Variants in HNF4G observed in about 807,000 individuals in gnomAD.
The protein encoded by HNF4G is hepatocyte nuclear factor 4 gamma.
A neutral mutation model predicts 50.9 loss-of-function variants in HNF4G; 21 were observed. The observed-to-expected ratio is 0.41, with a 90% CI of 0.29 to 0.59. The LOEUF is 0.59. Among genes scored for constraint, HNF4G ranks in the 20% least tolerant of loss-of-function variants. The pLI, the probability that HNF4G is intolerant of heterozygous loss-of-function variation, is 0.26. For missense variants in HNF4G, 527 were observed against 559.4 expected, an observed-to-expected ratio of 0.94 and a Z score of 0.58; for synonymous variants, 198 against 185.6, an observed-to-expected ratio of 1.07 and a Z score of -0.54.
chr8:75,506,704 G>A (rs189705597), intron 2 of HNF4G, among the ~76,000 whole-genome samples: 7 of 152,212 alleles, frequency 4.6e-5, no homozygotes, highest in Admixed American at 2.6e-4. Flanking sequence ...TAATGTCCTG[G>A]ATTTTCCTAA....
intron 2 of HNF4G, among the ~76,000 whole-genome samples, chr8:75,526,011 A>C (rs568359902): frequency 1.1e-3 from 163 of 152,294 alleles, no homozygotes; most frequent in Non-Finnish European, 1.8e-3. Context: ...GGAGATTTCA[A>C]ATGAAGCTAG....
At chr8:75,464,039 G>T (rs1348688129) in intron 1 of HNF4G, among the ~76,000 whole-genome samples, 3 of 152,104 alleles carry the variant, frequency 2.0e-5, no homozygotes, top group Non-Finnish European at 4.4e-5. Context: ...CTCTGAAAGT[G>T]CTGGGATTAC....
At chr8:75,549,658 T>G (rs1806889040) in intron 3 of HNF4G, among the ~76,000 whole-genome samples, 1 of 151,394 alleles carries the variant, frequency 6.6e-6, no homozygotes, top group East Asian at 2.0e-4. Flanking sequence ...GTGCACAACA[T>G]GCAGGCTAGT....
At chr8:75,512,914 GTTCTAAAAGAGT>G (rs1805796014) in intron 2 of HNF4G, among the ~76,000 whole-genome samples, 1 of 152,060 alleles carries the variant, frequency 6.6e-6, no homozygotes, top group South Asian at 2.1e-4. Context: ...TTTGGTTTAT[GTTCTAAAAGAGT>G]GTATAGATGA....
intron 2 of HNF4G, among the ~76,000 whole-genome samples, chr8:75,493,688 T>A (rs1812687737): frequency 6.6e-6 from 1 of 152,196 alleles, no homozygotes. Context: ...TAAAATCAAC[T>A]TATGTAAGCT....
intron 2 of HNF4G, among the ~76,000 whole-genome samples, chr8:75,492,672 G>C (rs1285342485): frequency 1.3e-5 from 2 of 152,046 alleles, no homozygotes; most frequent in Non-Finnish European, 1.5e-5. Context: ...AGCCTAGAGG[G>C]GGTTACAATG....
intron 1 of HNF4G, among the ~76,000 whole-genome samples, chr8:75,415,060 CA>C (rs1366689248): frequency 6.6e-6 from 1 of 152,222 alleles, no homozygotes; most frequent in Non-Finnish European, 1.5e-5. Flanking sequence ...TAATTTTAGA[CA>C]TTCTAAAAGA....
Position 75,496,020 on chromosome 8 carries a change from G to A in HNF4G, c.-24+5812G>A, listed in dbSNP as rs544838114. Among the ~76,000 whole-genome samples the A allele has an allele frequency of 1.8e-4, 28 of 152,028 alleles. No individual in the cohort carries two copies. In the South Asian group the frequency reaches 5.8e-3, roughly 32 times the overall value. ...AGCTACTGTATTATAGTTATGAGCA[G>A]GTACTACTAATATCTAATAATTGAA... On this transcript the variant is annotated intron_variant, in intron 2 of 10. Transcript: ENST00000354370.
chr8:75,530,439 A>AAC (rs1256601442), intron 2 of HNF4G, among the ~76,000 whole-genome samples: 1 of 151,776 alleles, frequency 6.6e-6, no homozygotes, highest in African/African-American at 2.4e-5. Context: ...ATAAAAAAAA[A>AAC]AAATACTACC....
At chr8:75,439,117 A>G (rs1811210720) in intron 1 of HNF4G, among the ~76,000 whole-genome samples, 1 of 152,054 alleles carries the variant, frequency 6.6e-6, no homozygotes, top group Non-Finnish European at 1.5e-5. Flanking sequence ...AACATTGTGC[A>G]TATATTTATC....
intron 1 of HNF4G, among the ~76,000 whole-genome samples, chr8:75,460,428 C>T (rs35986796): frequency 0.05 from 7,643 of 152,158 alleles, 265 homozygotes; most frequent in Non-Finnish European, 0.072. Context: ...GCTTAAAAGA[C>T]AATAAGGGTA....
At chr8:75,535,815 A>C (rs922649746), upstream of HNF4G, among the ~76,000 whole-genome samples, 50 of 151,950 alleles carry the variant, frequency 3.3e-4, no homozygotes, top group Non-Finnish European at 4.9e-4. Context: ...TAAAGTATGG[A>C]ACAATTTAAA....
chr8:75,507,563 T>C (rs933994155), intron 2 of HNF4G, among the ~76,000 whole-genome samples: 7 of 152,222 alleles, frequency 4.6e-5, no homozygotes, highest in African/African-American at 1.4e-4. Context: ...CCGGCTGATT[T>C]TTAAAATTCT....
rs373688773 is a variant in HNF4G, at chr8:75,521,768, T to C, written c.-23-22043T>C. Among the ~76,000 whole-genome samples, 3 of 152,308 alleles carry C rather than the reference T, an allele frequency of 2.0e-5. No homozygotes were observed. The East Asian group carries it at 5.8e-4, about 29-fold the overall frequency. On this transcript the variant is annotated intron_variant, in intron 2 of 10. Transcript: ENST00000354370. Reference sequence around the variant, plus strand: ...GAGTTCTGCAGTTACATTAAAAATATAATCCTTATCTTTTGGATAAAAAGG... The same window carrying C: ...GAGTTCTGCAGTTACATTAAAAATACAATCCTTATCTTTTGGATAAAAAGG...
chr8:75,449,567 G>T (rs1436745349), intron 1 of HNF4G, among the ~76,000 whole-genome samples: 5 of 148,266 alleles, frequency 3.4e-5, no homozygotes, highest in South Asian at 2.1e-4. Context: ...AGTGCAGTGG[G>T]GCGATCTCGG....
intron 1 of HNF4G, among the ~76,000 whole-genome samples, chr8:75,421,017 C>T (rs1810762862): frequency 1.3e-5 from 2 of 152,288 alleles, no homozygotes; most frequent in South Asian, 4.1e-4. Context: ...TTTTAGTTCT[C>T]TTATAGCCAC....
At chr8:75,527,924 G>A (rs1400118589) in intron 2 of HNF4G, among the ~76,000 whole-genome samples, 1 of 152,146 alleles carries the variant, frequency 6.6e-6, no homozygotes, top group African/African-American at 2.4e-5. Context: ...TCTGTTATTT[G>A]ATAGGAATTT....
chr8:75,501,009 T>C (rs987648638), intron 2 of HNF4G, among the ~76,000 whole-genome samples: 3 of 151,950 alleles, frequency 2.0e-5, no homozygotes, highest in Non-Finnish European at 4.4e-5. Flanking sequence ...CATGTATCTA[T>C]ATATAAAATG....
At chr8:75,447,661 A>G (rs1427188139) in intron 1 of HNF4G, among the ~76,000 whole-genome samples, 2 of 152,212 alleles carry the variant, frequency 1.3e-5, no homozygotes, top group Admixed American at 6.5e-5. Context: ...ACATTTATAC[A>G]GCCAAAAAAC....
Sources: gnomAD v4.1 joint callset for allele counts (sites outside exome capture counted in the v4.1 genomes callset) on GRCh38, gnomAD v4.1.1 for gene constraint, MANE v1.5 for transcripts, NCBI Gene and HGNC (gene_info 2026-07-23, HGNC 2026-07-21) for gene names.